LATS2: variants seen among roughly 807,000 people sequenced by gnomAD.
LATS2 encodes the protein large tumor suppressor kinase 2, also known as serine/threonine-protein kinase LATS2.
In LATS2, 24 loss-of-function variants were observed where a neutral mutation model predicts 76.0. The ratio of observed to expected loss-of-function variants is 0.32; its 90% CI spans 0.23 to 0.44. The LOEUF (loss-of-function observed/expected upper bound fraction) is 0.44, where lower values mean the gene tolerates loss of function less well. Among genes scored for constraint, LATS2 ranks in the 20% least tolerant of loss-of-function variants. The pLI is 1.00. For missense variants in LATS2, 1,286 were observed against 1,481.2 expected, an observed-to-expected ratio of 0.87 and a Z score of 2.16; for synonymous variants, 692 against 635.4, an observed-to-expected ratio of 1.09 and a Z score of -1.34.
Position 20,979,802 on chromosome 13 carries a change from A to G in LATS2, c.2666-5T>C. ...AGTCACAGAGTTGAGTGTACCCTGCAAGACAAAGTTCACTCAATCCCTACA... is the reference window on the plus strand; with the variant it reads ...AGTCACAGAGTTGAGTGTACCCTGCGAGACAAAGTTCACTCAATCCCTACA... On this transcript the variant is annotated splice_region_variant and splice_polypyrimidine_tract_variant and intron_variant, in intron 6 of 7. Coordinates refer to ENST00000382592, the MANE Select transcript of LATS2 (RefSeq NM_014572.3). 6.5e-7 allele frequency: 1 copy of G among 1,543,828 alleles called. No homozygotes were observed. The highest frequency in any genetic ancestry group is 2.3e-5 in the East Asian group (1 of 44,394).
chr13:21,039,668 C>A (rs1007700835), intron 2 of LATS2, among the ~76,000 whole-genome samples: 1 of 152,234 alleles, frequency 6.6e-6, no homozygotes. Context: ...GAGGGATAAA[C>A]TCCCAAGATC....
At chr13:21,023,976 G>GA (rs1872194089) in intron 2 of LATS2, among the ~76,000 whole-genome samples, 1 of 143,952 alleles carries the variant, frequency 6.9e-6, no homozygotes. Context: ...TCCCTCTCAA[G>GA]AAAAAACAAA....
rs1491345646 is a variant in LATS2 at position 21,007,587 on chromosome 13, A to AGT, written c.343-16185_343-16184dup. On this transcript the variant is annotated intron_variant, in intron 2 of 7. Coordinates refer to ENST00000382592, the MANE Select transcript of LATS2 (RefSeq NM_014572.3). The stretch of plus-strand genomic sequence containing the variant: ...TATATATATATATATATATATATAT[A>AGT]GTATATATATATATAGTGTGTATAT... Among the ~76,000 whole-genome samples, 4 of 7,750 alleles carry AGT rather than the reference A, an allele frequency of 5.2e-4. 1 individual carries two copies. The highest frequency in any genetic ancestry group is 0.022 in the East Asian group (2 of 90). 5.1% of individuals were successfully genotyped at this position (7,750 alleles called of 152,430 possible).
At chr13:20,975,746 C>T (rs76021801) in intron 7 of LATS2, among the ~76,000 whole-genome samples, 17,873 of 151,962 alleles carry the variant, frequency 0.12, 1,949 homozygotes, top group East Asian at 0.5. Flanking sequence ...TGCAGTGGTG[C>T]GATCTTGGCT....
intron 2 of LATS2, among the ~76,000 whole-genome samples, chr13:21,031,046 T>G (rs181793265): frequency 9.5e-4 from 144 of 152,320 alleles, no homozygotes; most frequent in African/African-American, 3.3e-3. Flanking sequence ...ATATGCAGCA[T>G]TTATACTGTC....
chr13:20,998,579 T>G (rs1227380033), intron 2 of LATS2, among the ~76,000 whole-genome samples: 3 of 152,104 alleles, frequency 2.0e-5, no homozygotes, highest in Non-Finnish European at 2.9e-5. Flanking sequence ...GAGCTGGAAT[T>G]TCCAAAGGGT....
At chr13:21,029,070 T>C (rs1872423661) in intron 2 of LATS2, among the ~76,000 whole-genome samples, 2 of 152,214 alleles carry the variant, frequency 1.3e-5, no homozygotes, top group African/African-American at 2.4e-5. Flanking sequence ...ATCTGTGTAC[T>C]TTTATTTCTT....
rs45510199 is a variant in LATS2, at chr13:20,975,023, G to A, written c.3114C>T (p.Tyr1038=). Reference sequence around the variant, plus strand: ...CAAAGAACCTTCGGAAGGTGAATTCGTAAAATGCGTGCTCAGGATGCTTGT... The same window carrying A: ...CAAAGAACCTTCGGAAGGTGAATTCATAAAATGCGTGCTCAGGATGCTTGT... ...PNNKHPEHAF[Y]EFTFRRFFDD... is the part of the protein sequence containing the mutation. Residue 1038 remains tyrosine (Y), a synonymous_variant, in exon 8 of 8, where the codon TAC becomes TAT. Coordinates refer to ENST00000382592, the MANE Select transcript of LATS2 (RefSeq NM_014572.3). 38 of 1,614,248 alleles carry A rather than the reference G, an allele frequency of 2.4e-5. No individual in the cohort carries two copies. The highest frequency in any genetic ancestry group is 3.1e-5 in the Non-Finnish European group (36 of 1,180,046).
At position 21,054,727 on chromosome 13, in the gene LATS2, G is replaced by A. The variant is rs371824520; in HGVS notation, c.-205+6619C>T. On this transcript the variant is annotated intron_variant, in intron 1 of 7. Coordinates refer to ENST00000382592, the MANE Select transcript of LATS2 (RefSeq NM_014572.3). The stretch of plus-strand genomic sequence containing the variant: ...CTGAGCAAAGAAATACTAAGTGGCC[G>A]TGTCCCTAGCCAGATCAGGAGTCCT... 3.6e-4 allele frequency among the ~76,000 whole-genome samples: 19 copies of A among 52,802 alleles called. No individual in the cohort carries two copies. The East Asian group carries it at 7.4e-3, about 21-fold the overall frequency. The allele number at this position is 52,802 out of a possible 152,430, so 34.6% of individuals were successfully genotyped here.
At position 20,989,121 on chromosome 13, in the gene LATS2, C is replaced by A. The variant is rs372162495; in HGVS notation, c.659G>T (p.Gly220Val). ...GTGCTGGTGGCCGGGCCCGTGGGGGCCGACTCCGGGGAAAAGGTAGTCCAC... is the reference window on the plus strand; with the variant it reads ...GTGCTGGTGGCCGGGCCCGTGGGGGACGACTCCGGGGAAAAGGTAGTCCAC... ...PYVDYLFPGV[G>V]PHGPGHQHQH... The change falls in exon 4 of 8, where the codon GGC becomes GTC. Residue 220 changes from glycine (G) to valine (V), a missense_variant. Transcript: ENST00000382592. The A allele has an allele frequency of 2.1e-5, 33 of 1,606,550 alleles. No homozygotes were observed. Among genetic ancestry groups the A allele is most frequent in the Non-Finnish European group, 2.7e-5 (32 of 1,177,418 alleles).
intron 2 of LATS2, among the ~76,000 whole-genome samples, chr13:21,021,580 C>G (rs1872067856): frequency 6.6e-6 from 1 of 151,020 alleles, no homozygotes; most frequent in Non-Finnish European, 1.5e-5. Flanking sequence ...GTTCTTACTC[C>G]AGTGTGTTTA....
chr13:21,010,310 A>T (rs999167671), intron 2 of LATS2, among the ~76,000 whole-genome samples: 4 of 152,136 alleles, frequency 2.6e-5, no homozygotes, highest in Non-Finnish European at 5.9e-5. Context: ...CTCCCCTGCC[A>T]ACCCCCACAC....
intron 1 of LATS2, among the ~76,000 whole-genome samples, chr13:21,051,129 T>C (rs1355512360): frequency 2.6e-5 from 4 of 152,110 alleles, no homozygotes; most frequent in Non-Finnish European, 4.4e-5. Context: ...CTTCTGTGAG[T>C]GGCTAAAAGT....
At chr13:20,998,281 A>G (rs1870849891) in intron 2 of LATS2, among the ~76,000 whole-genome samples, 1 of 152,168 alleles carries the variant, frequency 6.6e-6, no homozygotes. Context: ...TGAACCTGGG[A>G]GGTGGAGGCT....
intron 1 of LATS2, among the ~76,000 whole-genome samples, chr13:21,047,544 G>A (rs760140371): frequency 2.0e-5 from 3 of 152,102 alleles, no homozygotes; most frequent in South Asian, 2.1e-4. Flanking sequence ...AGCAGATTTC[G>A]AAGGATAATC....
intron 4 of LATS2, 48 bp downstream of exon 4, chr13:20,987,833 T>C: frequency 6.3e-7 from 1 of 1,582,974 alleles, no homozygotes; most frequent in Non-Finnish European, 8.6e-7. Context: ...CTATTGCCAG[T>C]AGAGGGATGA....
At chr13:21,024,902 G>GGA (rs1377598565) in intron 2 of LATS2, among the ~76,000 whole-genome samples, 1 of 152,132 alleles carries the variant, frequency 6.6e-6, no homozygotes, top group Non-Finnish European at 1.5e-5. Flanking sequence ...AGCCACGCAT[G>GGA]GCCTGGGGCT....
At chr13:21,037,908 C>T (rs1872736638) in intron 2 of LATS2, among the ~76,000 whole-genome samples, 1 of 152,098 alleles carries the variant, frequency 6.6e-6, no homozygotes, top group African/African-American at 2.4e-5. Flanking sequence ...AGGCACCATC[C>T]TGAGGCCAGA....
In LATS2 at chr13:21,060,585, C is replaced by T. The variant is rs577465281; in HGVS notation, c.-205+761G>A. Among the ~76,000 whole-genome samples the T allele has an allele frequency of 1.6e-4, 24 of 152,128 alleles. 1 individual carries two copies. In the East Asian group the frequency reaches 4.7e-3, roughly 30 times the overall value. On this transcript the variant is annotated intron_variant, in intron 1 of 7. Transcript: ENST00000382592. ...AACGGCGCCCCCAGGGTCCGGTGGC[C>T]TCTGAGGGGCTGACTGGCCCGTGAG...
Sources: allele counts gnomAD v4.1 joint callset (sites outside exome capture counted in the v4.1 genomes callset), GRCh38; gene constraint gnomAD v4.1.1; transcripts MANE v1.5; gene names NCBI Gene and HGNC (gene_info 2026-07-23, HGNC 2026-07-21).